Variants in TESK2 observed in about 807,000 individuals in gnomAD.
TESK2 encodes the protein dual specificity testis-specific protein kinase 2.
Under a neutral mutation model 57.1 loss-of-function variants are expected in TESK2, and 39 were observed. The ratio of observed to expected loss-of-function variants is 0.68; its 90% CI spans 0.53 to 0.89. The LOEUF (loss-of-function observed/expected upper bound fraction) is 0.89. TESK2 is among the 40% of genes least tolerant of loss of function. The pLI is 0.00. For missense variants in TESK2, 646 were observed against 732.1 expected, an observed-to-expected ratio of 0.88 and a Z score of 1.36; for synonymous variants, 249 against 267.9, an observed-to-expected ratio of 0.93 and a Z score of 0.69.
chr1:45,423,759 A>G (rs1313954899), intron 2 of TESK2, among the ~76,000 whole-genome samples: 2 of 152,176 alleles, frequency 1.3e-5, no homozygotes, highest in African/African-American at 4.8e-5. Context: ...GTCTACTTCT[A>G]AAAGTATTCG....
chr1:45,476,677 C>T (rs957600389), intron 1 of TESK2, among the ~76,000 whole-genome samples: 7 of 150,926 alleles, frequency 4.6e-5, no homozygotes, highest in Non-Finnish European at 1.0e-4. Flanking sequence ...GAAACCCCAT[C>T]TCTACTAAAA....
intron 2 of TESK2, among the ~76,000 whole-genome samples, chr1:45,443,517 T>A (rs1651526471): frequency 7.5e-6 from 1 of 133,698 alleles, no homozygotes; most frequent in Admixed American, 9.0e-5. Context: ...TTGCAGTGAG[T>A]TAAGATCACG....
At chr1:45,420,793 T>C (rs1275352071) in intron 3 of TESK2, among the ~76,000 whole-genome samples, 2 of 151,974 alleles carry the variant, frequency 1.3e-5, no homozygotes, top group Non-Finnish European at 2.9e-5. Context: ...TTTCACCATG[T>C]TAGCCAGGAT....
intron 1 of TESK2, among the ~76,000 whole-genome samples, chr1:45,486,915 C>G (rs1309864001): frequency 6.6e-6 from 1 of 151,414 alleles, no homozygotes; most frequent in African/African-American, 2.4e-5. Flanking sequence ...CTCCACCACC[C>G]GGGTTCAAGC....
chr1:45,450,543 G>C (rs1166539545), intron 2 of TESK2, among the ~76,000 whole-genome samples: 4 of 143,972 alleles, frequency 2.8e-5, no homozygotes, highest in African/African-American at 5.1e-5. Flanking sequence ...GTCCATAAAG[G>C]CCTCTTAAAT....
chr1:45,345,785 G>T, intron 10 of TESK2, 92 bp downstream of exon 10: 1 of 1,111,048 alleles, frequency 9.0e-7, no homozygotes, highest in Non-Finnish European at 1.3e-6. Context: ...CTGGACCTGG[G>T]ATCCTGGCAA....
Position 45,344,999 on chromosome 1 carries a change from C to A in TESK2, c.1557G>T (p.Gln519His). The change falls in exon 11 of 11, where the codon CAG (glutamine) becomes CAT (histidine). Residue 519 changes from glutamine (Q) to histidine (H), a missense_variant. Transcript: ENST00000372086. ...AHEAMDCSIL[Q>H]EENGFGSRPQ... ...GCCTGGACCCAAAACCATTTTCTTC[C>A]TGGAGAATGGAGCAGTCCATAGCCT... is the stretch of plus-strand genomic sequence containing the variant. The A allele has an allele frequency of 6.2e-7, 1 of 1,614,268 alleles. No homozygotes were observed. Among genetic ancestry groups the A allele is most frequent in the South Asian group, 1.1e-5 (1 of 91,090 alleles).
intron 4 of TESK2, among the ~76,000 whole-genome samples, chr1:45,367,064 G>T (rs772481967): frequency 6.6e-6 from 1 of 152,190 alleles, no homozygotes; most frequent in Non-Finnish European, 1.5e-5. Flanking sequence ...AGCTGAGGAG[G>T]CAGAGGCTGC....
Position 45,463,571 on chromosome 1 carries a change from T to C in TESK2, c.-86-5700A>G, listed in dbSNP as rs145281192. The stretch of plus-strand genomic sequence containing the variant: ...TTCTCTATTCTGTTCCATCAGTCTG[T>C]GTGTCTGGTTTTTTGTTTTTGTTTT... On this transcript the variant is annotated intron_variant, in intron 1 of 10. Transcript: ENST00000372086. Among the ~76,000 whole-genome samples the C allele has an allele frequency of 5.7e-4, 86 of 152,180 alleles. No individual in the cohort carries two copies. In the East Asian group the frequency reaches 0.013, roughly 23 times the overall value.
chr1:45,384,385 A>ATCTGTCTG (rs1412537804), intron 4 of TESK2, among the ~76,000 whole-genome samples: 2 of 124,284 alleles, frequency 1.6e-5, no homozygotes, highest in African/African-American at 6.0e-5. Flanking sequence ...CTATCTATCT[A>ATCTGTCTG]TCTGTCTATC....
chr1:45,403,590 T>C (rs1205000614), intron 3 of TESK2, among the ~76,000 whole-genome samples: 1 of 152,164 alleles, frequency 6.6e-6, no homozygotes, highest in African/African-American at 2.4e-5. Context: ...AAACATTGCT[T>C]AGCAATCAGA....
chr1:45,452,696 A>G (rs1222509322), intron 2 of TESK2, among the ~76,000 whole-genome samples: 1 of 151,698 alleles, frequency 6.6e-6, no homozygotes, highest in Non-Finnish European at 1.5e-5. Flanking sequence ...AGGAGGACTG[A>G]CCAGGCCCAG....
intron 1 of TESK2, among the ~76,000 whole-genome samples, chr1:45,464,708 A>T (rs370293259): frequency 2.3e-4 from 35 of 152,328 alleles, no homozygotes; most frequent in African/African-American, 8.4e-4. Flanking sequence ...GAGAGTGGCA[A>T]ATCCTAGTTT....
At chr1:45,483,800 C>T (rs1190124977) in intron 1 of TESK2, among the ~76,000 whole-genome samples, 1 of 150,580 alleles carries the variant, frequency 6.6e-6, no homozygotes, top group Non-Finnish European at 1.5e-5. Flanking sequence ...GAGTTTGAGA[C>T]CAGCCTAGGC....
intron 4 of TESK2, 98 bp from the exon 5 acceptor site, chr1:45,355,547 A>AT (rs947231071): frequency 3.0e-3 from 3,906 of 1,282,220 alleles, no homozygotes; most frequent in Non-Finnish European, 3.2e-3. Flanking sequence ...GAGAGACTGT[A>AT]TTTTTTTTTT....
intron 1 of TESK2, among the ~76,000 whole-genome samples, chr1:45,476,345 A>G (rs1234767301): frequency 6.6e-6 from 1 of 152,118 alleles, no homozygotes; most frequent in Non-Finnish European, 1.5e-5. Flanking sequence ...TTGTCTCTAC[A>G]AAAAATACAA....
intron 9 of TESK2, 108 bp from the exon 10 acceptor site, chr1:45,346,102 G>T (rs926342935): frequency 4.6e-6 from 4 of 865,298 alleles, no homozygotes; most frequent in Admixed American, 1.9e-5. Flanking sequence ...GCAGCTGAGA[G>T]ACCTTTTCTA....
chr1:45,377,479 T>C (rs61791362), intron 4 of TESK2, among the ~76,000 whole-genome samples: 53,069 of 147,034 alleles, frequency 0.36, 11,419 homozygotes, highest in African/African-American at 0.59. Context: ...AGTGCAGTGG[T>C]GCGATCCCGG....
intron 2 of TESK2, among the ~76,000 whole-genome samples, chr1:45,439,417 T>C (rs6661693): frequency 0.053 from 8,106 of 152,266 alleles, 746 homozygotes; most frequent in African/African-American, 0.19. Context: ...ATATACATGT[T>C]CTTAATACAG....
Sources: allele counts gnomAD v4.1 joint callset (sites outside exome capture counted in the v4.1 genomes callset), GRCh38; gene constraint gnomAD v4.1.1; transcripts MANE v1.5; gene names NCBI Gene and HGNC (gene_info 2026-07-23, HGNC 2026-07-21).